The following KHDRBS2 variants were observed in gnomAD, a reference collection of about 807,000 sequenced individuals.
KHDRBS2 encodes the protein KH RNA binding domain containing, signal transduction associated 2.
KHDRBS2 carries 26 observed loss-of-function variants against 44.3 expected under a neutral mutation model. The observed-to-expected ratio is 0.59, with a 90% CI of 0.43 to 0.81. The LOEUF is 0.81. Among genes scored for constraint, KHDRBS2 ranks in the 40% least tolerant of loss-of-function variants. The pLI is 0.00. For synonymous variants in KHDRBS2, 194 were observed against 151.1 expected, an observed-to-expected ratio of 1.28 and a Z score of -2.08; for missense variants, 476 against 433.1, an observed-to-expected ratio of 1.10 and a Z score of -0.88.
chr6:62,090,739 A>G (rs916833123), intron 2 of KHDRBS2, among the ~76,000 whole-genome samples: 3 of 152,180 alleles, frequency 2.0e-5, no homozygotes, highest in Non-Finnish European at 4.4e-5. Context: ...AGTATATATG[A>G]CAAATGTTAC....
At chr6:61,782,736 T>TACAC (rs1470970312) in intron 6 of KHDRBS2, among the ~76,000 whole-genome samples, 15 of 109,808 alleles carry the variant, frequency 1.4e-4, no homozygotes, top group Non-Finnish European at 2.4e-4. Context: ...TATATATATA[T>TACAC]ATACACACAC....
chr6:62,118,407 A>C (rs1311243464), intron 2 of KHDRBS2, among the ~76,000 whole-genome samples: 1 of 151,770 alleles, frequency 6.6e-6, no homozygotes, highest in Non-Finnish European at 1.5e-5. Flanking sequence ...AAATTTGGGG[A>C]CTTTTTTCTT....
intron 7 of KHDRBS2, among the ~76,000 whole-genome samples, chr6:61,701,362 A>T (rs1446096914): frequency 1.3e-5 from 2 of 152,002 alleles, no homozygotes; most frequent in African/African-American, 4.8e-5. Flanking sequence ...TTTGAGGCTT[A>T]ACAGGATACA....
chr6:62,121,348 G>A (rs1269650709), intron 2 of KHDRBS2, among the ~76,000 whole-genome samples: 2 of 152,304 alleles, frequency 1.3e-5, no homozygotes, highest in African/African-American at 4.8e-5. Flanking sequence ...GAGAGACTCA[G>A]GGGTGGTGAT....
chr6:62,178,240 C>T (rs1821538554), intron 1 of KHDRBS2, among the ~76,000 whole-genome samples: 1 of 151,344 alleles, frequency 6.6e-6, no homozygotes, highest in African/African-American at 2.4e-5. Flanking sequence ...AAGAATAAGC[C>T]ATGAGAAGAC....
chr6:61,776,588 A>G (rs1386025016), intron 6 of KHDRBS2, among the ~76,000 whole-genome samples: 3 of 152,194 alleles, frequency 2.0e-5, no homozygotes, highest in Non-Finnish European at 4.4e-5. Flanking sequence ...CCATAATGAG[A>G]TACCTTCTCA....
intron 4 of KHDRBS2, among the ~76,000 whole-genome samples, chr6:61,953,300 G>A (rs575693053): frequency 4.6e-5 from 7 of 151,820 alleles, no homozygotes; most frequent in African/African-American, 7.3e-5. Context: ...AACCCCAAAC[G>A]ATCTTGTGTG....
chr6:61,638,129 C>T, the KHDRBS2 span, among the ~76,000 whole-genome samples: 2 of 152,066 alleles, frequency 1.3e-5, no homozygotes, highest in Non-Finnish European at 2.9e-5. Flanking sequence ...CTACCAATGA[C>T]TTTCTTCTCA....
intron 2 of KHDRBS2, among the ~76,000 whole-genome samples, chr6:62,139,883 C>T (rs1812406018): frequency 6.6e-6 from 1 of 151,950 alleles, no homozygotes; most frequent in African/African-American, 2.4e-5. Context: ...GCCACCTCCC[C>T]ACTCCCCGCC....
rs1038500147 is a variant in KHDRBS2, at chr6:62,057,932, T to A, written c.220-9938A>T. ...GATTATCATAAGTGTCAGGCCATTT[T>A]AAGAAAAATATTTTAGGGACATTTT... is the stretch of plus-strand genomic sequence containing the variant. On this transcript the variant is annotated intron_variant, in intron 2 of 8. Coordinates refer to ENST00000281156, the MANE Select transcript of KHDRBS2 (RefSeq NM_152688.4). 2.0e-4 allele frequency among the ~76,000 whole-genome samples: 30 copies of A among 152,082 alleles called. 1 individual carries two copies. The highest frequency in any genetic ancestry group is 4.0e-4 in the Non-Finnish European group (27 of 67,914).
chr6:61,768,954 T>A (rs982060159), intron 6 of KHDRBS2, among the ~76,000 whole-genome samples: 5 of 152,136 alleles, frequency 3.3e-5, no homozygotes, highest in Non-Finnish European at 7.4e-5. Flanking sequence ...TCAAAGTATA[T>A]CTGTATCATT....
the KHDRBS2 span, among the ~76,000 whole-genome samples, chr6:61,575,288 C>G: frequency 1.3e-5 from 2 of 152,008 alleles, no homozygotes; most frequent in East Asian, 3.9e-4. Context: ...ATAATCCCAT[C>G]AAAAAGTGGG....
chr6:62,055,636 A>T (rs558548023), intron 2 of KHDRBS2, among the ~76,000 whole-genome samples: 125 of 152,176 alleles, frequency 8.2e-4, no homozygotes, highest in African/African-American at 2.9e-3. Context: ...AAGAGCAAAA[A>T]TAGTGGGGAA....
intron 7 of KHDRBS2, among the ~76,000 whole-genome samples, chr6:61,722,622 A>G (rs1008305889): frequency 2.0e-5 from 3 of 152,144 alleles, no homozygotes; most frequent in African/African-American, 7.2e-5. Context: ...ACAATTCAAA[A>G]TCAGCATTTC....
intron 4 of KHDRBS2, among the ~76,000 whole-genome samples, chr6:61,968,464 G>A (rs1770605904): frequency 6.6e-6 from 1 of 151,950 alleles, no homozygotes; most frequent in Non-Finnish European, 1.5e-5. Flanking sequence ...AAAACAAGAG[G>A]TCCCCAAATA....
chr6:61,778,706 T>C (rs1319565060), intron 6 of KHDRBS2, among the ~76,000 whole-genome samples: 1 of 152,180 alleles, frequency 6.6e-6, no homozygotes, highest in Non-Finnish European at 1.5e-5. Flanking sequence ...TGCTCTTCCA[T>C]CAGTCCTAAA....
At chr6:61,585,990 A>T in the KHDRBS2 span, among the ~76,000 whole-genome samples, 4 of 152,146 alleles carry the variant, frequency 2.6e-5, no homozygotes, top group Non-Finnish European at 4.4e-5. Flanking sequence ...AGCCTTCTCC[A>T]GACTATGAAG....
chr6:62,062,492 C>A (rs1584445610), intron 2 of KHDRBS2, among the ~76,000 whole-genome samples: 1 of 151,994 alleles, frequency 6.6e-6, no homozygotes, highest in Non-Finnish European at 1.5e-5. Flanking sequence ...AGCCGCTCAG[C>A]TACGTGGAAA....
chr6:62,129,643 G>A (rs542150080), intron 2 of KHDRBS2, among the ~76,000 whole-genome samples: 1 of 152,190 alleles, frequency 6.6e-6, no homozygotes, highest in African/African-American at 2.4e-5. Context: ...TTACTGAACT[G>A]TGCTGTCCAA....
Sources: allele counts gnomAD v4.1 joint callset (sites outside exome capture counted in the v4.1 genomes callset), GRCh38; gene constraint gnomAD v4.1.1; transcripts MANE v1.5; gene names NCBI Gene and HGNC (gene_info 2026-07-23, HGNC 2026-07-21).